The following EDIL3 variants were observed in gnomAD, a reference collection of about 807,000 sequenced individuals.
EDIL3 encodes the protein EGF-like repeat and discoidin I-like domain-containing protein 3.
In EDIL3, 37 loss-of-function variants were observed where a neutral mutation model predicts 67.4. The ratio of observed to expected loss-of-function variants is 0.55; its 90% confidence interval spans 0.42 to 0.72. EDIL3 has a LOEUF of 0.72. EDIL3 is among the 30% of genes least tolerant of loss of function. The pLI is 0.00. For synonymous variants in EDIL3, 195 were observed against 196.3 expected, an observed-to-expected ratio of 0.99 and a Z score of 0.05; for missense variants, 527 against 586.3, an observed-to-expected ratio of 0.90 and a Z score of 1.04.
At chr5:84,019,717 A>C (rs1745676555) in intron 9 of EDIL3, among the ~76,000 whole-genome samples, 1 of 152,080 alleles carries the variant, frequency 6.6e-6, no homozygotes, top group Non-Finnish European at 1.5e-5. Context: ...GTTATTTAAC[A>C]TATTGTCCTT....
chr5:84,074,535 A>G (rs1449906107), intron 6 of EDIL3, among the ~76,000 whole-genome samples: 9 of 152,070 alleles, frequency 5.9e-5, no homozygotes, highest in South Asian at 2.1e-4. Flanking sequence ...AAAAGTGGGC[A>G]AAGGACATGA....
chr5:83,943,802 A>G (rs1357789916), intron 10 of EDIL3, among the ~76,000 whole-genome samples: 1 of 151,830 alleles, frequency 6.6e-6, no homozygotes, highest in Non-Finnish European at 1.5e-5. Context: ...TAGGTCTATC[A>G]TTTTCCTCTA....
At chr5:84,120,396 T>C (rs1747755008) in intron 5 of EDIL3, among the ~76,000 whole-genome samples, 1 of 152,026 alleles carries the variant, frequency 6.6e-6, no homozygotes, top group South Asian at 2.1e-4. Context: ...TGACTAGTGG[T>C]TGAAGATGAG....
chr5:84,156,948 CGAAAGAGAAAAAGA>C (rs1340452111), intron 4 of EDIL3, among the ~76,000 whole-genome samples: 1 of 151,814 alleles, frequency 6.6e-6, no homozygotes, highest in African/African-American at 2.4e-5. Context: ...TCATAGACAC[CGAAAGAGAAAAAGA>C]GAAGTTAAAC....
At chr5:84,318,576 A>C (rs1275999469) in intron 1 of EDIL3, among the ~76,000 whole-genome samples, 2 of 152,196 alleles carry the variant, frequency 1.3e-5, no homozygotes, top group Non-Finnish European at 2.9e-5. Context: ...CTATTTAATA[A>C]CTGGTGCTGG....
intron 1 of EDIL3, among the ~76,000 whole-genome samples, chr5:84,381,137 T>C (rs2112224854): frequency 6.6e-6 from 1 of 152,252 alleles, no homozygotes; most frequent in South Asian, 2.1e-4. Context: ...TTTTTAAAAA[T>C]TATTTTAAGT....
At chr5:84,311,270 AC>A (rs1415741288) in intron 1 of EDIL3, among the ~76,000 whole-genome samples, 1 of 150,372 alleles carries the variant, frequency 6.7e-6, no homozygotes, top group Non-Finnish European at 1.5e-5. Context: ...CAGCTTCCCA[AC>A]TGGTAGTACC....
At chr5:84,248,252 A>T (rs1744949814) in intron 2 of EDIL3, among the ~76,000 whole-genome samples, 3 of 152,192 alleles carry the variant, frequency 2.0e-5, no homozygotes. Context: ...CATCAATCAC[A>T]TGTAATCAAA....
chr5:84,318,580 G>A (rs1334373896), intron 1 of EDIL3, among the ~76,000 whole-genome samples: 1 of 152,150 alleles, frequency 6.6e-6, no homozygotes, highest in Non-Finnish European at 1.5e-5. Flanking sequence ...TTAATAACTG[G>A]TGCTGGGAAA....
chr5:84,352,388 T>C (rs1429013420), intron 1 of EDIL3, among the ~76,000 whole-genome samples: 1 of 152,040 alleles, frequency 6.6e-6, no homozygotes, highest in Non-Finnish European at 1.5e-5. Flanking sequence ...TCAACCTGAG[T>C]GTCTGCCAGA....
chr5:84,158,445 G>T (rs1036841318), intron 4 of EDIL3, among the ~76,000 whole-genome samples: 12 of 151,980 alleles, frequency 7.9e-5, no homozygotes, highest in Non-Finnish European at 7.4e-5. Flanking sequence ...TTTTCTCAGA[G>T]ACATGCCCTG....
chr5:84,186,907 G>A (rs1459546151), intron 3 of EDIL3, among the ~76,000 whole-genome samples: 1 of 152,058 alleles, frequency 6.6e-6, no homozygotes, highest in Non-Finnish European at 1.5e-5. Context: ...AAAGAAGTTT[G>A]TCTTTCTATG....
chr5:83,951,421 T>A (rs2112117368), intron 10 of EDIL3, among the ~76,000 whole-genome samples: 1 of 151,924 alleles, frequency 6.6e-6, no homozygotes, highest in East Asian at 2.0e-4. Flanking sequence ...CAAGAAATTC[T>A]TTACTACACC....
rs1229298711 is a variant in EDIL3 at position 84,356,885 on chromosome 5, C to CTTTTTT, written c.67+27422_67+27423insAAAAAA. Among the ~76,000 whole-genome samples, 32 of 39,354 alleles carry CTTTTTT rather than the reference C, an allele frequency of 8.1e-4. 1 individual carries two copies. Among genetic ancestry groups the CTTTTTT allele is most frequent in the African/African-American group, 2.8e-3 (32 of 11,544 alleles). The allele number at this position is 39,354 out of a possible 152,430, so 25.8% of individuals were successfully genotyped here. A position where few individuals can be genotyped will look rare whatever the true frequency, so the allele number is the denominator to read the frequency against. On this transcript the variant is annotated intron_variant, in intron 1 of 10. Transcript: ENST00000296591. The stretch of plus-strand genomic sequence containing the variant: ...TCAGGACCTTGAGAAAACAATCTTT[C>CTTTTTT]TTTCTTTTTTTTTTTTTTTTTTTTT...
chr5:84,094,850 A>C (rs1252077014), intron 6 of EDIL3, among the ~76,000 whole-genome samples: 1 of 152,234 alleles, frequency 6.6e-6, no homozygotes, highest in African/African-American at 2.4e-5. Flanking sequence ...TAAGTTTTAT[A>C]ACAAAGAAAA....
intron 1 of EDIL3, among the ~76,000 whole-genome samples, chr5:84,321,032 CAT>C (rs1289409437): frequency 6.6e-6 from 1 of 152,074 alleles, no homozygotes. Context: ...TTCTTTTTAA[CAT>C]GTTAATATTG....
chr5:84,087,219 C>T (rs1474091388), intron 6 of EDIL3, among the ~76,000 whole-genome samples: 1 of 152,174 alleles, frequency 6.6e-6, no homozygotes, highest in African/African-American at 2.4e-5. Context: ...TAATCACTGG[C>T]TTTATGGCCA....
intron 6 of EDIL3, among the ~76,000 whole-genome samples, chr5:84,075,939 T>C (rs1746847558): frequency 7.4e-6 from 1 of 134,540 alleles, no homozygotes; most frequent in African/African-American, 2.8e-5. Context: ...CACGTGCCAT[T>C]GTGGGTTTTA....
At chr5:84,045,258 A>G (rs1015462246) in intron 9 of EDIL3, among the ~76,000 whole-genome samples, 4 of 152,262 alleles carry the variant, frequency 2.6e-5, no homozygotes, top group Admixed American at 1.3e-4. Flanking sequence ...TCAAGATGAG[A>G]TTTGGGTGAG....
Sources: allele counts gnomAD v4.1 joint callset (sites outside exome capture counted in the v4.1 genomes callset), GRCh38; gene constraint gnomAD v4.1.1; transcripts MANE v1.5; gene names NCBI Gene and HGNC (gene_info 2026-07-23, HGNC 2026-07-21).